The following PCDH15 variants were observed in gnomAD, a reference collection of about 807,000 sequenced individuals.
PCDH15 encodes the protein protocadherin related 15, also known as protocadherin-15.
Under a neutral mutation model 178.5 loss-of-function variants are expected in PCDH15, and 129 were observed. The ratio of observed to expected loss-of-function variants is 0.72; its 90% CI spans 0.63 to 0.84. The LOEUF (loss-of-function observed/expected upper bound fraction) is 0.84. PCDH15 is among the 40% of genes least tolerant of loss of function. The pLI, the probability that PCDH15 is intolerant of heterozygous loss-of-function variation, is 0.00. For synonymous variants in PCDH15, 800 were observed against 732.0 expected (o/e 1.09, Z -1.50); for missense variants, 2,230 against 2,099.9 (o/e 1.06, Z -1.21).
chr10:55,213,507 T>C (rs930557691), intron 1 of PCDH15, among the ~76,000 whole-genome samples: 14 of 152,064 alleles, frequency 9.2e-5, no homozygotes, highest in African/African-American at 3.4e-4. Context: ...AGATTTTCTA[T>C]GTTAACTTTG....
At chr10:54,282,190 C>G (rs2132745362) in intron 8 of PCDH15, among the ~76,000 whole-genome samples, 1 of 152,184 alleles carries the variant, frequency 6.6e-6, no homozygotes, top group African/African-American at 2.4e-5. Flanking sequence ...ACCTGGAAAC[C>G]TGCAAAGTCT....
At chr10:54,848,741 T>A (rs1953557793) in intron 3 of PCDH15, among the ~76,000 whole-genome samples, 1 of 152,244 alleles carries the variant, frequency 6.6e-6, no homozygotes, top group African/African-American at 2.4e-5. Context: ...TTTCTGTGCC[T>A]CCATTATTTT....
intron 2 of PCDH15, among the ~76,000 whole-genome samples, chr10:54,538,490 C>A (rs2084825416): frequency 6.6e-6 from 1 of 152,084 alleles, no homozygotes. Context: ...GTACCAATAA[C>A]ATGTTTTGTT....
intron 2 of PCDH15, among the ~76,000 whole-genome samples, chr10:55,344,699 A>T (rs1844696932): frequency 6.6e-6 from 1 of 152,078 alleles, no homozygotes. Flanking sequence ...ATATTCAACC[A>T]GAGATGGCTA....
At chr10:55,017,985 A>T (rs1293366578) in intron 2 of PCDH15, among the ~76,000 whole-genome samples, 2 of 152,114 alleles carry the variant, frequency 1.3e-5, no homozygotes, top group Non-Finnish European at 2.9e-5. Flanking sequence ...ACAAATTAAC[A>T]TATTAAAAAA....
chr10:54,213,689 A>G (rs1160755192), intron 10 of PCDH15, among the ~76,000 whole-genome samples: 1 of 152,132 alleles, frequency 6.6e-6, no homozygotes, highest in East Asian at 1.9e-4. Context: ...ACGCTTGACC[A>G]AGGCATTTGT....
chr10:54,411,728 C>A (rs1179186720), intron 3 of PCDH15, among the ~76,000 whole-genome samples: 1 of 152,028 alleles, frequency 6.6e-6, no homozygotes, highest in Non-Finnish European at 1.5e-5. Flanking sequence ...ACAGTGAATT[C>A]CTCAATTACA....
chr10:54,426,759 G>C (rs1589353093), intron 3 of PCDH15, among the ~76,000 whole-genome samples: 1 of 151,994 alleles, frequency 6.6e-6, no homozygotes, highest in Non-Finnish European at 1.5e-5. Flanking sequence ...CTCTAGCCCT[G>C]GAAGATAGCA....
intron 1 of PCDH15, among the ~76,000 whole-genome samples, chr10:55,292,594 C>T (rs1039642405): frequency 6.6e-6 from 1 of 152,120 alleles, no homozygotes; most frequent in Non-Finnish European, 1.5e-5. Context: ...GTTGGCCAGG[C>T]TGGTCTCGAA....
chr10:54,020,829 T>C (rs1288965851), intron 19 of PCDH15, among the ~76,000 whole-genome samples: 1 of 152,062 alleles, frequency 6.6e-6, no homozygotes, highest in Non-Finnish European at 1.5e-5. Flanking sequence ...CATGAACAAA[T>C]ATTTTAAATA....
chr10:53,899,201 T>G (rs2133604109), intron 26 of PCDH15, among the ~76,000 whole-genome samples: 1 of 152,062 alleles, frequency 6.6e-6, no homozygotes, highest in South Asian at 2.1e-4. Flanking sequence ...GAGAGCCTAT[T>G]TTTGTTGCTT....
chr10:54,871,289 C>T (rs1954035305), intron 3 of PCDH15, among the ~76,000 whole-genome samples: 1 of 152,066 alleles, frequency 6.6e-6, no homozygotes. Flanking sequence ...TCAGACAAGA[C>T]AACCCCAAGA....
At chr10:53,905,402 C>T (rs867538015) in intron 25 of PCDH15, among the ~76,000 whole-genome samples, 1 of 152,142 alleles carries the variant, frequency 6.6e-6, no homozygotes, top group Non-Finnish European at 1.5e-5. Context: ...GGCACGATCT[C>T]GGCTCACTGT....
chr10:54,281,916 A>C (rs941971156), intron 8 of PCDH15, among the ~76,000 whole-genome samples: 1 of 152,024 alleles, frequency 6.6e-6, no homozygotes, highest in African/African-American at 2.4e-5. Flanking sequence ...CATCAAAACT[A>C]TTTTCTTATG....
intron 2 of PCDH15, among the ~76,000 whole-genome samples, chr10:55,096,070 A>G (rs1335529185): frequency 2.0e-5 from 3 of 152,076 alleles, no homozygotes; most frequent in African/African-American, 7.2e-5. Context: ...AAGCCATGTG[A>G]TTATTTGATT....
intron 2 of PCDH15, among the ~76,000 whole-genome samples, chr10:55,480,866 G>T (rs1211401723): frequency 2.6e-5 from 4 of 151,808 alleles, no homozygotes; most frequent in Non-Finnish European, 5.9e-5. Flanking sequence ...GAGTTAGGGA[G>T]GAATCTCTCC....
At chr10:54,207,367 TGTGTGTGTGTA>T (rs2050912963) in intron 10 of PCDH15, among the ~76,000 whole-genome samples, 5 of 27,290 alleles carry the variant, frequency 1.8e-4, no homozygotes, top group African/African-American at 1.3e-3. Flanking sequence ...TTTTGTTTTG[TGTGTGTGTGTA>T]TGTGTGTGTG....
chr10:54,732,802 T>C (rs1035652827), intron 1 of PCDH15, among the ~76,000 whole-genome samples: 1 of 151,496 alleles, frequency 6.6e-6, no homozygotes, highest in African/African-American at 2.4e-5. Flanking sequence ...ATTAACAAAT[T>C]GAATATGGCA....
intron 2 of PCDH15, among the ~76,000 whole-genome samples, chr10:54,662,992 T>C (rs2094514446): frequency 6.6e-6 from 1 of 152,024 alleles, no homozygotes; most frequent in African/African-American, 2.4e-5. Flanking sequence ...TAAGTTCAGA[T>C]GCACTTGAAG....
Sources: gnomAD v4.1 joint callset for allele counts (sites outside exome capture counted in the v4.1 genomes callset) on GRCh38, gnomAD v4.1.1 for gene constraint, MANE v1.5 for transcripts, NCBI Gene and HGNC (gene_info 2026-07-23, HGNC 2026-07-21) for gene names.